Variants in RALGAPA1 observed in about 807,000 individuals in gnomAD.
The protein encoded by RALGAPA1 is Ral GTPase activating protein catalytic subunit alpha 1.
A neutral mutation model predicts 269.6 loss-of-function variants in RALGAPA1; 52 were observed. The ratio of observed to expected loss-of-function variants is 0.19; its 90% CI spans 0.15 to 0.24. The LOEUF is 0.24. RALGAPA1 is among the 10% of genes least tolerant of loss of function. The pLI, the probability that RALGAPA1 is intolerant of heterozygous loss-of-function variation, is 1.00. For missense variants in RALGAPA1, 1,917 were observed against 3,013.9 expected (o/e 0.64, Z 8.52); for synonymous variants, 817 against 1,008.3 (o/e 0.81, Z 3.60).
rs1037500210 is a variant in RALGAPA1 at position 35,766,238 on chromosome 14, C to T, written c.326-3485G>A. On this transcript the variant is annotated intron_variant, in intron 4 of 41. Transcript: ENST00000680220. ...TGATGGAAGTGCAAGGAATCTTAAC[C>T]AGATGTGTGGATGATGCAGCAATTG... The T allele has an allele frequency of 6.2e-6, 5 of 804,584 alleles. No individual in the cohort carries two copies. In the Admixed American group the frequency reaches 8.6e-5, roughly 14 times the overall value. 49.8% of individuals were successfully genotyped at this position (804,584 alleles called of 1,614,324 possible). A position where few individuals can be genotyped will look rare whatever the true frequency, so the allele number is the denominator to read the frequency against.
In RALGAPA1 at chr14:35,598,413, A is replaced by ATT. The variant is rs35542497; in HGVS notation, c.7054-2626_7054-2625dup. ...AGTCTATATTGTTTTATATATATAT[A>ATT]TTTTATTTATTTATTTATTTTTTGA... is the stretch of plus-strand genomic sequence containing the variant. On this transcript the variant is annotated intron_variant, in intron 36 of 41. Transcript: ENST00000680220. 5.2e-3 allele frequency among the ~76,000 whole-genome samples: 782 copies of ATT among 150,456 alleles called. 6 individuals are homozygous for ATT. The highest frequency in any genetic ancestry group is 0.018 in the African/African-American group (738 of 41,050).
At chr14:35,805,213 C>T (rs1232730263) in intron 1 of RALGAPA1, among the ~76,000 whole-genome samples, 2 of 150,852 alleles carry the variant, frequency 1.3e-5, no homozygotes, top group Non-Finnish European at 3.0e-5. Flanking sequence ...TGCCTGAGCT[C>T]AGGAGTTCGA....
At chr14:35,703,986 C>A (rs537874598) in intron 16 of RALGAPA1, among the ~76,000 whole-genome samples, 1 of 152,032 alleles carries the variant, frequency 6.6e-6, no homozygotes, top group African/African-American at 2.4e-5. Flanking sequence ...GGACCCTTAA[C>A]AGCATATAAA....
In RALGAPA1 at chr14:35,750,374, A is replaced by G. The variant is rs961810554; in HGVS notation, c.1011+108T>C. ...TACAAAATATATTTATACAAATAAA[A>G]TAGCACTATTATTTAAGTGTACGCT... On this transcript the variant is annotated intron_variant, in intron 9 of 41. Coordinates refer to ENST00000680220, the MANE Select transcript of RALGAPA1 (RefSeq NM_001346249.2). 6 of 591,468 alleles carry G rather than the reference A, an allele frequency of 1.0e-5. 1 individual carries two copies. In the South Asian group the frequency reaches 1.8e-4, roughly 18 times the overall value. The allele number at this position is 591,468 out of a possible 1,614,324, so 36.6% of individuals were successfully genotyped here. A position where few individuals can be genotyped will look rare whatever the true frequency, so the allele number is the denominator to read the frequency against.
rs973787594 is a variant in RALGAPA1 at position 35,805,753 on chromosome 14, C to T, written c.106+2977G>A. 1.3e-4 allele frequency among the ~76,000 whole-genome samples: 19 copies of T among 149,648 alleles called. No homozygotes were observed. In the South Asian group the frequency reaches 1.9e-3, roughly 15 times the overall value. Reference sequence around the variant, plus strand: ...AGGCTGGAGTGCAGTAGCGTGATCTCGACTCACCACAACCTCTGCCTCCCA... The same window carrying T: ...AGGCTGGAGTGCAGTAGCGTGATCTTGACTCACCACAACCTCTGCCTCCCA... On this transcript the variant is annotated intron_variant, in intron 1 of 41. Coordinates refer to ENST00000680220, the MANE Select transcript of RALGAPA1 (RefSeq NM_001346249.2).
intron 35 of RALGAPA1, among the ~76,000 whole-genome samples, chr14:35,616,216 A>G (rs978595006): frequency 6.6e-6 from 1 of 152,152 alleles, no homozygotes; most frequent in Non-Finnish European, 1.5e-5. Flanking sequence ...CCGATTTTGA[A>G]AAGAAATGTG....
At chr14:35,647,674 C>A (rs568181175) in intron 31 of RALGAPA1, among the ~76,000 whole-genome samples, 1 of 152,124 alleles carries the variant, frequency 6.6e-6, no homozygotes, top group Non-Finnish European at 1.5e-5. Flanking sequence ...GGTTTAAGGG[C>A]AGGTGTGGTG....
At chr14:35,787,782 A>C (rs1595556675) in intron 1 of RALGAPA1, among the ~76,000 whole-genome samples, 1 of 149,904 alleles carries the variant, frequency 6.7e-6, no homozygotes, top group African/African-American at 2.4e-5. Flanking sequence ...GGGTCTCACT[A>C]TGTCGCCCAG....
At chr14:35,719,083 C>T (rs1285271486) in intron 16 of RALGAPA1, among the ~76,000 whole-genome samples, 1 of 152,068 alleles carries the variant, frequency 6.6e-6, no homozygotes, top group Non-Finnish European at 1.5e-5. Context: ...AAACCCAGCA[C>T]TTTGGGAGGC....
At chr14:35,749,064 AC>A (rs1362417471) in intron 9 of RALGAPA1, among the ~76,000 whole-genome samples, 2 of 152,304 alleles carry the variant, frequency 1.3e-5, no homozygotes, top group Admixed American at 1.3e-4. Flanking sequence ...TTAATCATCT[AC>A]CCACCTATAG....
chr14:35,611,581 T>C (rs1315835392), intron 35 of RALGAPA1, among the ~76,000 whole-genome samples: 1 of 147,522 alleles, frequency 6.8e-6, no homozygotes, highest in Non-Finnish European at 1.5e-5. Flanking sequence ...AAAAAAAAAA[T>C]TGGCTGGGCA....
intron 26 of RALGAPA1, among the ~76,000 whole-genome samples, chr14:35,667,313 G>A (rs1263702837): frequency 2.0e-5 from 3 of 152,194 alleles, no homozygotes; most frequent in East Asian, 1.9e-4. Flanking sequence ...CAGGAGAATC[G>A]CTTGAACCCG....
rs2063381742 is a variant in RALGAPA1, at chr14:35,659,125, A to C, written c.5387+13T>G. The C allele has an allele frequency of 3.1e-6, 5 of 1,593,260 alleles. No individual in the cohort carries two copies. Among genetic ancestry groups the C allele is most frequent in the Admixed American group, 3.5e-5 (2 of 57,090 alleles). ...CAAAATAGTTATACTCAGTCTAAGA[A>C]TATCCGACCTACCGTGCAGGACCAG... is the stretch of plus-strand genomic sequence containing the variant. On this transcript the variant is annotated intron_variant, in intron 28 of 41. Coordinates refer to ENST00000680220, the MANE Select transcript of RALGAPA1 (RefSeq NM_001346249.2).
chr14:35,795,077 C>T (rs1462469169), intron 1 of RALGAPA1, among the ~76,000 whole-genome samples: 3 of 152,212 alleles, frequency 2.0e-5, no homozygotes, highest in East Asian at 3.9e-4. Context: ...TGTTGCTTCT[C>T]GTGTGTGTTA....
intron 22 of RALGAPA1, among the ~76,000 whole-genome samples, chr14:35,675,839 A>C (rs1384245414): frequency 6.6e-6 from 1 of 152,224 alleles, no homozygotes; most frequent in Non-Finnish European, 1.5e-5. Flanking sequence ...AAGAACCATA[A>C]AGTTATGATT....
intron 39 of RALGAPA1, among the ~76,000 whole-genome samples, chr14:35,556,351 T>A (rs572392779): frequency 1.3e-5 from 2 of 152,232 alleles, no homozygotes; most frequent in South Asian, 4.1e-4. Flanking sequence ...ACTGCTTACC[T>A]TATAAAGCAA....
At chr14:35,807,185 A>C (rs1226454459) in intron 1 of RALGAPA1, among the ~76,000 whole-genome samples, 1 of 152,172 alleles carries the variant, frequency 6.6e-6, no homozygotes, top group Non-Finnish European at 1.5e-5. Flanking sequence ...AGCTTATCCC[A>C]AGTAGGTGTC....
chr14:35,601,405 C>T (rs2059284463), intron 36 of RALGAPA1, among the ~76,000 whole-genome samples: 1 of 152,208 alleles, frequency 6.6e-6, no homozygotes, highest in East Asian at 1.9e-4. Flanking sequence ...CACCTCATTA[C>T]AGCCTCATGA....
At chr14:35,790,284 T>C (rs962529315) in intron 1 of RALGAPA1, among the ~76,000 whole-genome samples, 1 of 151,482 alleles carries the variant, frequency 6.6e-6, no homozygotes, top group African/African-American at 2.4e-5. Context: ...AAAAAGAAGT[T>C]AGAATTGAAG....
Sources: gnomAD v4.1 joint callset for allele counts (sites outside exome capture counted in the v4.1 genomes callset) on GRCh38, gnomAD v4.1.1 for gene constraint, MANE v1.5 for transcripts, NCBI Gene and HGNC (gene_info 2026-07-23, HGNC 2026-07-21) for gene names.